CRTC3: variants seen among roughly 807,000 people sequenced by gnomAD.
CRTC3 encodes CREB-regulated transcription coactivator 3.
In CRTC3, 26 loss-of-function variants were observed where a neutral mutation model predicts 74.5. The ratio of observed to expected loss-of-function variants is 0.35; its 90% CI spans 0.26 to 0.48. CRTC3 has a LOEUF of 0.48. Among genes scored for constraint, CRTC3 ranks in the 20% least tolerant of loss-of-function variants. The pLI is 0.99. For synonymous variants in CRTC3, 377 were observed against 325.8 expected (o/e 1.16, Z -1.69); for missense variants, 760 against 787.3 (o/e 0.97, Z 0.41).
chr15:90,547,889 CTTTT>C (rs34721161), intron 2 of CRTC3, among the ~76,000 whole-genome samples: 24 of 100,412 alleles, frequency 2.4e-4, no homozygotes, highest in African/African-American at 3.1e-4. Context: ...TTTTCGTATC[CTTTT>C]TTTTTTTTTT....
chr15:90,638,842 C>T, intron 13 of CRTC3, 27 bp downstream of exon 13: 6 of 1,572,396 alleles, frequency 3.8e-6, no homozygotes, highest in Non-Finnish European at 5.3e-6. Flanking sequence ...GCCTTCTCCT[C>T]CCTTGGTGCA....
intron 2 of CRTC3, among the ~76,000 whole-genome samples, chr15:90,564,569 G>A (rs1000556777): frequency 5.3e-5 from 8 of 152,110 alleles, no homozygotes; most frequent in African/African-American, 1.9e-4. Flanking sequence ...ACTAGTCCCT[G>A]CAGTTACTAC....
At chr15:90,576,228 A>G (rs927730394) in intron 2 of CRTC3, among the ~76,000 whole-genome samples, 1 of 152,100 alleles carries the variant, frequency 6.6e-6, no homozygotes, top group Non-Finnish European at 1.5e-5. Flanking sequence ...ACACAATGAG[A>G]CTCCATCTCT....
At chr15:90,542,489 T>C (rs1192351146) in intron 2 of CRTC3, among the ~76,000 whole-genome samples, 3 of 152,152 alleles carry the variant, frequency 2.0e-5, no homozygotes, top group Non-Finnish European at 4.4e-5. Flanking sequence ...GACATAACTT[T>C]TTTTTCACTT....
At chr15:90,598,785 A>C (rs12440050) in intron 3 of CRTC3, 13,342 of 466,026 alleles carry the variant, frequency 0.029, 780 homozygotes, top group East Asian at 0.14. Context: ...TTTATGAGTT[A>C]CTGGACTGTG....
intron 5 of CRTC3, among the ~76,000 whole-genome samples, chr15:90,605,738 G>C (rs962256207): frequency 2.6e-5 from 4 of 152,162 alleles, no homozygotes; most frequent in African/African-American, 9.7e-5. Flanking sequence ...ATAGCCACCT[G>C]AGGCTGTCAC....
intron 6 of CRTC3, among the ~76,000 whole-genome samples, chr15:90,611,354 T>C (rs999664566): frequency 6.6e-6 from 1 of 152,176 alleles, no homozygotes; most frequent in Admixed American, 6.5e-5. Flanking sequence ...TCGGTGGCTC[T>C]GAGGTTTCCT....
rs1199088480 is a variant in CRTC3, at chr15:90,530,102, A to C, written c.31A>C (p.Asn11His). 1 of 1,450,710 alleles carries C rather than the reference A, an allele frequency of 6.9e-7. No homozygotes were observed. The highest frequency in any genetic ancestry group is 9.2e-7 in the Non-Finnish European group (1 of 1,086,066). 89.9% of individuals were successfully genotyped at this position (1,450,710 alleles called of 1,614,324 possible). MAASPGSGSA[N>H]PRKFSEKIAL... ...CGCCTCGCCGGGCTCGGGCAGCGCC[A>C]ACCCGCGGAAGTTCAGTGAGAAGAT... Residue 11 changes from asparagine (N) to histidine (H), a missense_variant, in exon 1 of 15, where the codon AAC becomes CAC. Transcript: ENST00000268184. This position sits in a 1 kb window ranked among gnomAD's most constrained non-coding sequence, Gnocchi z 6.2.
intron 1 of CRTC3, among the ~76,000 whole-genome samples, chr15:90,536,338 C>T (rs1375566856): frequency 6.6e-6 from 1 of 151,700 alleles, no homozygotes; most frequent in East Asian, 1.9e-4. Flanking sequence ...GAATTCTAGA[C>T]CAGCCTAGGT....
chr15:90,602,837 G>A (rs994061495), intron 4 of CRTC3, among the ~76,000 whole-genome samples: 6 of 150,750 alleles, frequency 4.0e-5, no homozygotes, highest in Admixed American at 1.3e-4. Context: ...AGCTGGGCAT[G>A]ACAGCACATG....
In CRTC3 at chr15:90,593,731, G is replaced by T. The variant is rs1967854055; in HGVS notation, c.327G>T (p.Arg109Ser). ...SRNRFHPLHR[R>S]SGDKPGRQFD... ...ACCGCTTCCACCCCCTCCACCGAAGGTCTGGGGACAAGCCAGGGCGACAAA... is the reference window on the plus strand; with the variant it reads ...ACCGCTTCCACCCCCTCCACCGAAGTTCTGGGGACAAGCCAGGGCGACAAA... The change falls in exon 3 of 15, where the codon AGG becomes AGT. Residue 109 changes from arginine to serine, a missense_variant. Arg to Ser is a moderately radical substitution (Grantham distance 110, BLOSUM62 -1). Transcript: ENST00000268184. 2 of 1,608,048 alleles carry T rather than the reference G, an allele frequency of 1.2e-6. No individual in the cohort carries two copies. Among genetic ancestry groups the T allele is most frequent in the Non-Finnish European group, 1.7e-6 (2 of 1,175,170 alleles).
At chr15:90,614,656 T>C in intron 7 of CRTC3, 168 bp downstream of exon 7, 1 of 541,706 alleles carries the variant, frequency 1.8e-6, no homozygotes. Flanking sequence ...AGGCTAGCCA[T>C]GTTCAGGGCC....
At chr15:90,618,246 ATTTG>A (rs2151087962) in intron 8 of CRTC3, 1 of 199,820 alleles carries the variant, frequency 5.0e-6, no homozygotes, top group Admixed American at 5.6e-5. Flanking sequence ...TCCATATCTT[ATTTG>A]TTTTGCTAAA....
chr15:90,598,592 GGA>G, intron 3 of CRTC3: 1 of 697,208 alleles, frequency 1.4e-6, no homozygotes, highest in South Asian at 1.5e-5. Flanking sequence ...GTGTCTTGGT[GGA>G]CGGTGGCCTC....
At chr15:90,597,126 A>G (rs1018262479) in intron 3 of CRTC3, among the ~76,000 whole-genome samples, 3 of 152,224 alleles carry the variant, frequency 2.0e-5, no homozygotes, top group Non-Finnish European at 2.9e-5. Context: ...AGCCCCACAC[A>G]GGCGGAGGAG....
intron 6 of CRTC3, among the ~76,000 whole-genome samples, chr15:90,610,010 G>A (rs1199012996): frequency 6.6e-6 from 1 of 152,170 alleles, no homozygotes; most frequent in Non-Finnish European, 1.5e-5. Flanking sequence ...GCAGAACTCA[G>A]AAACACATCC....
intron 11 of CRTC3, among the ~76,000 whole-genome samples, chr15:90,632,837 T>C (rs986423901): frequency 1.4e-4 from 21 of 152,236 alleles, no homozygotes; most frequent in Non-Finnish European, 2.9e-5. Flanking sequence ...ACTCCTGACC[T>C]CAGGCAGTCT....
chr15:90,638,957 T>G (rs1762735768), intron 13 of CRTC3, 142 bp downstream of exon 13: 1 of 718,134 alleles, frequency 1.4e-6, no homozygotes, highest in Non-Finnish European at 2.4e-6. Flanking sequence ...GAAGAGCCTT[T>G]CATCTTCTTT....
At position 90,629,298 on chromosome 15, in the gene CRTC3, T is replaced by G; in HGVS notation, c.1032T>G (p.Ser344=). The G allele has an allele frequency of 3.7e-6, 6 of 1,614,180 alleles. No individual in the cohort carries two copies. The highest frequency in any genetic ancestry group is 5.1e-6 in the Non-Finnish European group (6 of 1,180,032). ...CGCTCAATAAGACTGTGCTTTCCTCTTCCTTAAATAACCACCCACAGACAT... is the reference window on the plus strand; with the variant it reads ...CGCTCAATAAGACTGTGCTTTCCTCGTCCTTAAATAACCACCCACAGACAT... ...QATLNKTVLS[S]SLNNHPQTSV... Residue 344 remains serine, a synonymous_variant, in exon 11 of 15, where the codon TCT becomes TCG. Coordinates refer to ENST00000268184, the MANE Select transcript of CRTC3 (RefSeq NM_022769.5).
Sources: allele counts gnomAD v4.1 joint callset (sites outside exome capture counted in the v4.1 genomes callset), GRCh38; gene constraint gnomAD v4.1.1; non-coding constraint Gnocchi (gnomAD v3.1); transcripts MANE v1.5; gene names NCBI Gene and HGNC (gene_info 2026-07-23, HGNC 2026-07-21).